PAPPA2: variants seen among roughly 807,000 people sequenced by gnomAD.
PAPPA2 encodes the protein pappalysin-2.
In PAPPA2, 86 loss-of-function variants were observed where a neutral mutation model predicts 176.4. The observed-to-expected ratio is 0.49, with a 90% CI of 0.41 to 0.58. The LOEUF (loss-of-function observed/expected upper bound fraction) is 0.58, where lower values mean the gene tolerates loss of function less well. Ranked by LOEUF, PAPPA2 falls within the 20% of genes least tolerant of loss-of-function variation. PAPPA2 has a pLI of 0.00. For missense variants in PAPPA2, 2,073 were observed against 2,256.9 expected, an observed-to-expected ratio of 0.92 and a Z score of 1.65; for synonymous variants, 809 against 852.2, an observed-to-expected ratio of 0.95 and a Z score of 0.88.
intron 21 of PAPPA2, among the ~76,000 whole-genome samples, chr1:176,838,241 C>T (rs531283164): frequency 4.3e-4 from 65 of 152,220 alleles, no homozygotes; most frequent in African/African-American, 1.5e-3. Context: ...AGAAAAATTC[C>T]TTGGGATCCT....
rs550990927 is a variant in PAPPA2, at chr1:176,684,552, C to A, written c.2138-5585C>A. Among the ~76,000 whole-genome samples, 21 of 152,272 alleles carry A rather than the reference C, an allele frequency of 1.4e-4. No homozygotes were observed. The East Asian group carries it at 2.1e-3, about 15-fold the overall frequency. On this transcript the variant is annotated intron_variant, in intron 4 of 22. Coordinates refer to ENST00000367662, the MANE Select transcript of PAPPA2 (RefSeq NM_020318.3). ...GGATGGAATCTCGTCCCTACCCCCC[C>A]ACTCCCCATTCTACTATCATATTTT...
intron 3 of PAPPA2, among the ~76,000 whole-genome samples, chr1:176,600,944 T>G (rs1230220963): frequency 1.3e-5 from 2 of 152,202 alleles, no homozygotes; most frequent in African/African-American, 2.4e-5. Flanking sequence ...CCAAATCCTG[T>G]TCAATCTTCC....
intron 2 of PAPPA2, among the ~76,000 whole-genome samples, chr1:176,581,487 A>G (rs1181523369): frequency 6.6e-6 from 1 of 152,138 alleles, no homozygotes; most frequent in African/African-American, 2.4e-5. Flanking sequence ...GGTGTTTTCT[A>G]TTTTTATGAA....
At chr1:176,776,617 G>C (rs1664468874) in intron 17 of PAPPA2, among the ~76,000 whole-genome samples, 1 of 152,102 alleles carries the variant, frequency 6.6e-6, no homozygotes, top group African/African-American at 2.4e-5. Context: ...AGCTGGGCAT[G>C]TGTGTTTGAC....
At chr1:176,586,449 C>A (rs1653314767) in intron 2 of PAPPA2, among the ~76,000 whole-genome samples, 1 of 152,238 alleles carries the variant, frequency 6.6e-6, no homozygotes, top group East Asian at 1.9e-4. Context: ...CCCTCACCCC[C>A]ATACCCCAAC....
intron 14 of PAPPA2, among the ~76,000 whole-genome samples, chr1:176,745,667 A>G (rs572137726): frequency 6.6e-6 from 1 of 152,360 alleles, no homozygotes; most frequent in Non-Finnish European, 1.5e-5. Context: ...AGCAACCATT[A>G]CTTTTATGAG....
At chr1:176,659,112 G>A (rs913899461) in intron 3 of PAPPA2, among the ~76,000 whole-genome samples, 1 of 152,030 alleles carries the variant, frequency 6.6e-6, no homozygotes, top group South Asian at 2.1e-4. Context: ...GATATGGGTT[G>A]GGTAGGAGGA....
intron 15 of PAPPA2, 71 bp downstream of exon 15, chr1:176,765,908 G>T: frequency 6.5e-7 from 1 of 1,543,646 alleles, no homozygotes; most frequent in South Asian, 1.2e-5. Context: ...CTTCTCTCTG[G>T]CTCCACAGGG....
intron 1 of PAPPA2, among the ~76,000 whole-genome samples, chr1:176,483,239 C>T (rs908400070): frequency 7.2e-5 from 11 of 151,972 alleles, no homozygotes; most frequent in Admixed American, 5.9e-4. Context: ...AGTCAGCGCC[C>T]AATCAGAAGC....
chr1:176,672,837 C>G (rs1469844080), intron 4 of PAPPA2, among the ~76,000 whole-genome samples: 13 of 152,148 alleles, frequency 8.5e-5, no homozygotes, highest in African/African-American at 3.1e-4. Context: ...GTCCTTTTAT[C>G]ACTAAACTGT....
rs1473553319 is a variant in PAPPA2, at chr1:176,789,987, AT to A, written c.4884+16del. On this transcript the variant is annotated intron_variant, in intron 18 of 22. Coordinates refer to ENST00000367662, the MANE Select transcript of PAPPA2 (RefSeq NM_020318.3). ...CCAGGAACGTGAAAAGGTAAGGAAC[AT>A]TTTTTGAACTTATTTTCATCAGGCT... 6.2e-7 allele frequency: 1 copy of A among 1,612,334 alleles called. No homozygotes were observed. Among genetic ancestry groups the A allele is most frequent in the Non-Finnish European group, 8.5e-7 (1 of 1,178,826 alleles).
chr1:176,710,738 C>G (rs114346940), intron 11 of PAPPA2, among the ~76,000 whole-genome samples: 1,779 of 152,180 alleles, frequency 0.012, 35 homozygotes, highest in African/African-American at 0.038. Context: ...GCAATACAGC[C>G]CTTTCACAGA....
chr1:176,567,010 CATT>C (rs1233095816), intron 2 of PAPPA2, among the ~76,000 whole-genome samples: 2 of 152,166 alleles, frequency 1.3e-5, no homozygotes, highest in African/African-American at 4.8e-5. Flanking sequence ...ATGGAATTAA[CATT>C]ATTCTGGGGG....
At chr1:176,688,842 C>T (rs1659967473) in intron 4 of PAPPA2, among the ~76,000 whole-genome samples, 1 of 152,178 alleles carries the variant, frequency 6.6e-6, no homozygotes. Flanking sequence ...TTGTCTCCTG[C>T]CCATAAGGCT....
At chr1:176,685,043 C>A (rs576386827) in intron 4 of PAPPA2, among the ~76,000 whole-genome samples, 2 of 150,808 alleles carry the variant, frequency 1.3e-5, no homozygotes, top group South Asian at 2.1e-4. Context: ...CCTGGTTTCA[C>A]TCTGGGAGGT....
At chr1:176,708,920 T>C (rs569291528) in intron 10 of PAPPA2, among the ~76,000 whole-genome samples, 2 of 152,334 alleles carry the variant, frequency 1.3e-5, no homozygotes, top group Admixed American at 6.5e-5. Context: ...CTTATTTTCA[T>C]GTCCTATTTT....
chr1:176,565,786 T>C (rs760434868), intron 2 of PAPPA2, among the ~76,000 whole-genome samples: 3 of 115,110 alleles, frequency 2.6e-5, no homozygotes, highest in Non-Finnish European at 6.2e-5. Flanking sequence ...CTTGGAGAAA[T>C]CTGCCATTGT....
At chr1:176,537,396 T>C (rs1407098015) in intron 1 of PAPPA2, 1 of 152,240 alleles carries the variant, frequency 6.6e-6, no homozygotes, top group African/African-American at 2.4e-5. Flanking sequence ...CAACTCTGTA[T>C]CCAATGCTTT....
chr1:176,556,935 C>G lies in PAPPA2; in HGVS notation c.613C>G (p.Arg205Gly). 1 of 1,614,074 alleles carries G rather than the reference C, an allele frequency of 6.2e-7. No homozygotes were observed. The highest frequency in any genetic ancestry group is 8.5e-7 in the Non-Finnish European group (1 of 1,179,996). The change falls in exon 2 of 23, where the codon CGG becomes GGG. Residue 205 changes from arginine (R) to glycine (G), a missense_variant. Physicochemically the swap from Arg to Gly is moderately radical, Grantham distance 125. Coordinates refer to ENST00000367662, the MANE Select transcript of PAPPA2 (RefSeq NM_020318.3). ...GCAGCGTCGCCAAGTGTGGAAGAGG[C>G]GGGCGGAAGATGGGCAGGGAGACTC... ...SRQRRQVWKR[R>G]AEDGQGDSGI... is the part of the protein sequence containing the mutation.
Sources: allele counts gnomAD v4.1 joint callset (sites outside exome capture counted in the v4.1 genomes callset), GRCh38; gene constraint gnomAD v4.1.1; transcripts MANE v1.5; gene names NCBI Gene and HGNC (gene_info 2026-07-23, HGNC 2026-07-21).